Variants in COL23A1 observed in about 807,000 individuals in gnomAD.
The protein encoded by COL23A1 is collagen type XXIII alpha 1 chain, also known as collagen alpha-1(XXIII) chain.
In COL23A1, 97 loss-of-function variants were observed where a neutral mutation model predicts 99.3. The observed-to-expected ratio is 0.98, with a 90% CI of 0.83 to 1.16. The LOEUF (loss-of-function observed/expected upper bound fraction) is 1.16, where lower values mean the gene tolerates loss of function less well. Among genes scored for constraint, COL23A1 ranks in the 50% most tolerant of loss-of-function variants. The pLI, the probability that COL23A1 is intolerant of heterozygous loss-of-function variation, is 0.00. For missense variants in COL23A1, 762 were observed against 757.4 expected (o/e 1.01, Z -0.07); for synonymous variants, 320 against 308.2 (o/e 1.04, Z -0.40).
rs2973722 is a variant in COL23A1 at position 178,375,804 on chromosome 5, T to G, written c.362-68885A>C. On this transcript the variant is annotated intron_variant, in intron 2 of 28. Transcript: ENST00000390654. The stretch of plus-strand genomic sequence containing the variant: ...CTCACTGAAACCTCCGCCTCCCAGG[T>G]TCAAGTGATTCTTCTGCCTCAGTCT... 3.3e-3 allele frequency among the ~76,000 whole-genome samples: 500 copies of G among 152,170 alleles called. 3 individuals carry two copies. Among genetic ancestry groups the G allele is most frequent in the African/African-American group, 0.012 (482 of 41,524 alleles).
intron 1 of COL23A1, among the ~76,000 whole-genome samples, chr5:178,567,870 C>T (rs1585687): frequency 0.088 from 13,326 of 152,270 alleles, 1,142 homozygotes; most frequent in African/African-American, 0.22. Flanking sequence ...GATAAAACTT[C>T]CTTACAGAAT....
chr5:178,399,140 G>A (rs1764302868), intron 2 of COL23A1, among the ~76,000 whole-genome samples: 1 of 152,248 alleles, frequency 6.6e-6, no homozygotes, highest in Non-Finnish European at 1.5e-5. Flanking sequence ...ATCCTGATCA[G>A]ATGGCTCCTC....
In COL23A1 at chr5:178,251,906, TTTC is replaced by T. The variant is rs201862047; in HGVS notation, c.1014+635_1014+637del. Reference sequence around the variant, plus strand: ...TTTCTTTCTCTCTCTTTCATTTTCTTTTCTTTTTTTTTTTTTTTTATTTTGAGA... The same window carrying T: ...TTTCTTTCTCTCTCTTTCATTTTCTTTTTTTTTTTTTTTTTTATTTTGAGA... On this transcript the variant is annotated intron_variant, in intron 17 of 28. Coordinates refer to ENST00000390654, the MANE Select transcript of COL23A1 (RefSeq NM_173465.4). 7.9e-4 allele frequency among the ~76,000 whole-genome samples: 84 copies of T among 106,092 alleles called. 3 individuals are homozygous for T. Among genetic ancestry groups the T allele is most frequent in the East Asian group, 2.2e-3 (5 of 2,258 alleles). 69.6% of individuals were successfully genotyped at this position (106,092 alleles called of 152,430 possible). A position where few individuals can be genotyped will look rare whatever the true frequency, so the allele number is the denominator to read the frequency against.
At chr5:178,538,241 C>T (rs79279548) in intron 2 of COL23A1, among the ~76,000 whole-genome samples, 2,775 of 152,300 alleles carry the variant, frequency 0.018, 41 homozygotes, top group Non-Finnish European at 0.027. Context: ...GGCAGATTCC[C>T]GCAGAAGCTC....
chr5:178,403,347 G>A (rs1764576060), intron 2 of COL23A1, among the ~76,000 whole-genome samples: 1 of 152,290 alleles, frequency 6.6e-6, no homozygotes, highest in South Asian at 2.1e-4. Context: ...TGACCCAGGA[G>A]TTCTGGATCC....
chr5:178,540,428 C>CA (rs1456367618), intron 2 of COL23A1, among the ~76,000 whole-genome samples: 1 of 152,104 alleles, frequency 6.6e-6, no homozygotes, highest in African/African-American at 2.4e-5. Flanking sequence ...AGTTCACACA[C>CA]AAAAAATTAA....
At chr5:178,252,849 G>A (rs530898126) in intron 16 of COL23A1, among the ~76,000 whole-genome samples, 5 of 152,304 alleles carry the variant, frequency 3.3e-5, no homozygotes, top group African/African-American at 9.6e-5. Flanking sequence ...TGCCATGGAC[G>A]GCCCTCTGCC....
intron 5 of COL23A1, among the ~76,000 whole-genome samples, chr5:178,278,940 G>A (rs1013809411): frequency 6.6e-6 from 1 of 152,212 alleles, no homozygotes; most frequent in African/African-American, 2.4e-5. Flanking sequence ...ACAGAGTGGA[G>A]CTGAAGCAAT....
intron 2 of COL23A1, among the ~76,000 whole-genome samples, chr5:178,382,358 G>A (rs1430476408): frequency 2.0e-5 from 3 of 152,278 alleles, no homozygotes; most frequent in East Asian, 1.9e-4. Context: ...TGTGGGCACC[G>A]GCAGGCCTAG....
In COL23A1 at chr5:178,358,012, GTGTA is replaced by G. The variant is rs755076371; in HGVS notation, c.362-51097_362-51094del. 2.1e-4 allele frequency among the ~76,000 whole-genome samples: 26 copies of G among 122,006 alleles called. 2 individuals carry two copies. The highest frequency in any genetic ancestry group is 3.8e-3 in the Middle Eastern group (1 of 262). 80.0% of individuals were successfully genotyped at this position (122,006 alleles called of 152,430 possible). On this transcript the variant is annotated intron_variant, in intron 2 of 28. Coordinates refer to ENST00000390654, the MANE Select transcript of COL23A1 (RefSeq NM_173465.4). ...TATGCGTGTGTGTATATGTATGTGT[GTGTA>G]TGTGTGTGTATGCGTATGTGTATGT...
At position 178,308,165 on chromosome 5, in the gene COL23A1, G is replaced by A. The variant is rs886215682; in HGVS notation, c.362-1246C>T. On this transcript the variant is annotated intron_variant, in intron 2 of 28. Transcript: ENST00000390654. This position sits in a 1 kb window ranked among gnomAD's most constrained non-coding sequence, Gnocchi z 5.1. ...CTGTGGGAGGTGCTTCTCGACTTTT[G>A]TTAAGGGAAGGGGAGGAGGGAGGGC... 4.6e-5 allele frequency among the ~76,000 whole-genome samples: 7 copies of A among 152,064 alleles called. No individual in the cohort carries two copies. The highest frequency in any genetic ancestry group is 1.4e-4 in the African/African-American group (6 of 41,380).
At chr5:178,288,809 C>T (rs896189132) in intron 4 of COL23A1, among the ~76,000 whole-genome samples, 29 of 152,156 alleles carry the variant, frequency 1.9e-4, no homozygotes, top group African/African-American at 7.0e-4. Flanking sequence ...GGGGCGTTCA[C>T]TGTGGCTGCA....
intron 2 of COL23A1, among the ~76,000 whole-genome samples, chr5:178,548,197 C>A (rs1014420471): frequency 6.6e-6 from 1 of 151,274 alleles, no homozygotes; most frequent in African/African-American, 2.4e-5. Flanking sequence ...CTCCCGGCAC[C>A]GTGTGTACAG....
At chr5:178,440,829 C>G (rs1036603887) in intron 2 of COL23A1, among the ~76,000 whole-genome samples, 3 of 152,050 alleles carry the variant, frequency 2.0e-5, no homozygotes, top group African/African-American at 7.2e-5. Flanking sequence ...GTTGGCCAGG[C>G]CGGTCTCGGA....
rs527310474 is a variant in COL23A1, at chr5:178,429,069, G to C, written c.362-122150C>G. ...GCGACTGCTCTGTAAACCAGGTGCG[G>C]GGAGGGCCAGGCAAATACTTAGGTA... is the stretch of plus-strand genomic sequence containing the variant. On this transcript the variant is annotated intron_variant, in intron 2 of 28. Transcript: ENST00000390654. Among the ~76,000 whole-genome samples, 5 of 152,172 alleles carry C rather than the reference G, an allele frequency of 3.3e-5. No homozygotes were observed. In the South Asian group the frequency reaches 1.0e-3, roughly 32 times the overall value.
At chr5:178,345,374 G>A in intron 2 of COL23A1, 2 of 446,192 alleles carry the variant, frequency 4.5e-6, no homozygotes, top group Non-Finnish European at 8.5e-6. Flanking sequence ...CTGCTTATTA[G>A]ACCTTTTGAA....
intron 8 of COL23A1, among the ~76,000 whole-genome samples, chr5:178,266,401 G>A (rs982340206): frequency 6.6e-6 from 1 of 151,982 alleles, no homozygotes; most frequent in African/African-American, 2.4e-5. Flanking sequence ...GTGTGTGTTG[G>A]GGGGTGGTGT....
At chr5:178,259,434 C>T (rs1561799116) in intron 12 of COL23A1, among the ~76,000 whole-genome samples, 1 of 152,128 alleles carries the variant, frequency 6.6e-6, no homozygotes. Flanking sequence ...AGAACTAGTG[C>T]CCCCCAGCCC....
At position 178,523,239 on chromosome 5, in the gene COL23A1, CAGAGAGAGAGAGAGAGACAGAG is replaced by C. The variant is rs1760103343; in HGVS notation, c.361+37421_361+37442del. 1.5e-4 allele frequency among the ~76,000 whole-genome samples: 10 copies of C among 66,230 alleles called. No homozygotes were observed. The Admixed American group carries it at 2.0e-3, about 13-fold the overall frequency. The allele number at this position is 66,230 out of a possible 152,430, so 43.4% of individuals were successfully genotyped here. On this transcript the variant is annotated intron_variant, in intron 2 of 28. Transcript: ENST00000390654. Reference sequence around the variant, plus strand: ...AGAGAGAGAGAGACAGAGGGAGAGACAGAGAGAGAGAGAGAGACAGAGAGAGAGAGAGAGAGAGAGCGCTAGG... The same window carrying C: ...AGAGAGAGAGAGACAGAGGGAGAGACAGAGAGAGAGAGAGAGAGCGCTAGG...
Sources: gnomAD v4.1 joint callset for allele counts (sites outside exome capture counted in the v4.1 genomes callset) on GRCh38, gnomAD v4.1.1 for gene constraint, Gnocchi (gnomAD v3.1) non-coding constraint, MANE v1.5 for transcripts, NCBI Gene and HGNC (gene_info 2026-07-23, HGNC 2026-07-21) for gene names.